Variants in NECAB1 observed in about 807,000 individuals in gnomAD.
NECAB1 encodes the protein N-terminal EF-hand calcium-binding protein 1.
Under a neutral mutation model 57.5 loss-of-function variants are expected in NECAB1, and 29 were observed. That is an observed-to-expected ratio of 0.50 (90% CI 0.38 to 0.69). The LOEUF is 0.69. Among genes scored for constraint, NECAB1 ranks in the 30% least tolerant of loss-of-function variants. The pLI is 0.00. For synonymous variants in NECAB1, 142 were observed against 147.7 expected, an observed-to-expected ratio of 0.96 and a Z score of 0.28; for missense variants, 372 against 413.8, an observed-to-expected ratio of 0.90 and a Z score of 0.88.
At chr8:90,919,663 C>A (rs1353318333) in intron 6 of NECAB1, among the ~76,000 whole-genome samples, 1 of 152,132 alleles carries the variant, frequency 6.6e-6, no homozygotes, top group East Asian at 1.9e-4. Context: ...AAAGCAAAAC[C>A]CACCTCCTCA....
chr8:90,846,984 C>T (rs978731720), intron 3 of NECAB1, among the ~76,000 whole-genome samples: 2 of 152,134 alleles, frequency 1.3e-5, no homozygotes, highest in Non-Finnish European at 2.9e-5. Flanking sequence ...ATCTAATGTT[C>T]CCACATTTTA....
intron 3 of NECAB1, among the ~76,000 whole-genome samples, chr8:90,843,687 G>A (rs1210059218): frequency 6.6e-6 from 1 of 152,208 alleles, no homozygotes; most frequent in Non-Finnish European, 1.5e-5. Context: ...TATTTATTGA[G>A]CACTGGCTGT....
intron 2 of NECAB1, chr8:90,806,678 C>T (rs2129656846): frequency 6.6e-6 from 1 of 152,310 alleles, no homozygotes; most frequent in East Asian, 1.9e-4. Flanking sequence ...CTCCTTCTAG[C>T]TTTATGACCT....
intron 3 of NECAB1, among the ~76,000 whole-genome samples, chr8:90,826,499 A>G (rs1292236846): frequency 6.6e-6 from 1 of 151,940 alleles, no homozygotes; most frequent in Non-Finnish European, 1.5e-5. Context: ...CTGGGATATG[A>G]TGCTTTAAAG....
At chr8:90,821,628 C>A (rs1364975826) in intron 2 of NECAB1, among the ~76,000 whole-genome samples, 1 of 151,750 alleles carries the variant, frequency 6.6e-6, no homozygotes, top group Admixed American at 6.6e-5. Flanking sequence ...TCACAAGTGC[C>A]ACTTCTTCTG....
chr8:90,808,640 CTTTTTTTT>C (rs200075536), intron 2 of NECAB1, among the ~76,000 whole-genome samples: 6 of 81,272 alleles, frequency 7.4e-5, no homozygotes, highest in African/African-American at 1.0e-4. Context: ...TTTTTCTTTT[CTTTTTTTT>C]TTTTTTTTTT....
At chr8:90,888,286 T>G (rs1809058997) in intron 5 of NECAB1, among the ~76,000 whole-genome samples, 1 of 152,210 alleles carries the variant, frequency 6.6e-6, no homozygotes, top group Non-Finnish European at 1.5e-5. Context: ...AAAAGCTGTT[T>G]TACTTTGCCC....
chr8:90,919,389 A>G (rs1810051525), intron 6 of NECAB1, among the ~76,000 whole-genome samples: 1 of 152,222 alleles, frequency 6.6e-6, no homozygotes, highest in South Asian at 2.1e-4. Flanking sequence ...TTTCCTGAAC[A>G]AATTAACTGA....
intron 5 of NECAB1, among the ~76,000 whole-genome samples, chr8:90,896,491 G>A (rs1238523581): frequency 6.6e-6 from 1 of 152,046 alleles, no homozygotes; most frequent in Non-Finnish European, 1.5e-5. Flanking sequence ...TGTAGTCCCA[G>A]CTACTCAGGA....
intron 2 of NECAB1, among the ~76,000 whole-genome samples, chr8:90,802,377 C>A (rs967989828): frequency 1.3e-5 from 2 of 152,216 alleles, no homozygotes; most frequent in Admixed American, 1.3e-4. Context: ...TTGTCATAAG[C>A]AGTATCTTTC....
intron 5 of NECAB1, among the ~76,000 whole-genome samples, chr8:90,906,883 A>ATATATGTATATATATATATATATATG (rs1554574051): frequency 1.2e-5 from 1 of 80,756 alleles, no homozygotes; most frequent in Admixed American, 1.6e-4. Flanking sequence ...ACACATATAT[A>ATATATGTATATATATATATATATATG]TATATATATA....
chr8:90,798,966 G>A (rs1165494339), intron 1 of NECAB1, among the ~76,000 whole-genome samples: 1 of 151,430 alleles, frequency 6.6e-6, no homozygotes, highest in African/African-American at 2.4e-5. Context: ...ATGTGGTTGT[G>A]TTTTTTTTGA....
chr8:90,931,701 C>T (rs1322095581), intron 8 of NECAB1, among the ~76,000 whole-genome samples: 8 of 151,924 alleles, frequency 5.3e-5, no homozygotes, highest in Non-Finnish European at 8.8e-5. Context: ...GTCAGGAGTT[C>T]GAGACCAGCC....
intron 6 of NECAB1, among the ~76,000 whole-genome samples, chr8:90,917,921 C>T (rs10102237): frequency 0.031 from 3,289 of 105,798 alleles, 175 homozygotes; most frequent in African/African-American, 0.14. Flanking sequence ...TATACACACA[C>T]ACACATATAT....
chr8:90,802,952 A>C (rs7819690), intron 2 of NECAB1, among the ~76,000 whole-genome samples: 32,588 of 151,988 alleles, frequency 0.21, 4,346 homozygotes, highest in East Asian at 0.59. Context: ...ACTGGAGTGC[A>C]GTGGTGGGAT....
chr8:90,869,426 T>C (rs1003932220), intron 3 of NECAB1, among the ~76,000 whole-genome samples: 3 of 152,186 alleles, frequency 2.0e-5, no homozygotes, highest in Non-Finnish European at 4.4e-5. Flanking sequence ...AAGTACTCAA[T>C]GTCAGCCCAT....
intron 4 of NECAB1, 118 bp from the exon 5 acceptor site, chr8:90,880,915 T>C: frequency 1.4e-6 from 1 of 689,696 alleles, no homozygotes; most frequent in Non-Finnish European, 2.5e-6. Flanking sequence ...CCTTCCAGTT[T>C]TCACTTATAG....
chr8:90,830,607 A>G (rs1812286291), intron 3 of NECAB1, among the ~76,000 whole-genome samples: 1 of 152,112 alleles, frequency 6.6e-6, no homozygotes, highest in Non-Finnish European at 1.5e-5. Flanking sequence ...ACTAGCAGAG[A>G]ACACAGAGTC....
intron 3 of NECAB1, among the ~76,000 whole-genome samples, chr8:90,858,511 C>G (rs1397414288): frequency 6.6e-6 from 1 of 151,304 alleles, no homozygotes; most frequent in East Asian, 1.9e-4. Flanking sequence ...GCCAGAAAAA[C>G]ATTTCTAATG....
Sources: allele counts gnomAD v4.1 joint callset (sites outside exome capture counted in the v4.1 genomes callset), GRCh38; gene constraint gnomAD v4.1.1; transcripts MANE v1.5; gene names NCBI Gene and HGNC (gene_info 2026-07-23, HGNC 2026-07-21).